CAPN14: variants seen among roughly 807,000 people sequenced by gnomAD.
CAPN14 encodes the protein calpain 14.
Under a neutral mutation model 101.3 loss-of-function variants are expected in CAPN14, and 94 were observed. The observed-to-expected ratio is 0.93, with a 90% CI of 0.79 to 1.10. The LOEUF is 1.10. CAPN14 is among the 50% of genes least tolerant of loss of function. The pLI, the probability that CAPN14 is intolerant of heterozygous loss-of-function variation, is 0.00. For missense variants in CAPN14, 837 were observed against 828.4 expected, an observed-to-expected ratio of 1.01 and a Z score of -0.13; for synonymous variants, 338 against 317.9, an observed-to-expected ratio of 1.06 and a Z score of -0.67.
chr2:31,215,285 G>A (rs1682591661), intron 1 of CAPN14, among the ~76,000 whole-genome samples: 1 of 147,640 alleles, frequency 6.8e-6, no homozygotes, highest in African/African-American at 2.5e-5. Context: ...TTTTTTTGCA[G>A]GGGCATTTGC....
intron 12 of CAPN14, 150 bp from the exon 13 acceptor site, chr2:31,189,628 G>A (rs1052987795): frequency 6.9e-6 from 5 of 724,204 alleles, no homozygotes; most frequent in Non-Finnish European, 1.2e-5. Context: ...CAAGTGGGGA[G>A]GAAAGGAAAA....
intron 10 of CAPN14, among the ~76,000 whole-genome samples, chr2:31,192,865 G>A (rs1378220773): frequency 6.6e-6 from 1 of 152,132 alleles, no homozygotes; most frequent in Non-Finnish European, 1.5e-5. Flanking sequence ...CCCCGGTGCT[G>A]ACTGCGACAG....
chr2:31,191,992 G>A lies in CAPN14; in HGVS notation c.1221C>T (p.Pro407=), dbSNP rs1351710131. 7 of 1,551,496 alleles carry A rather than the reference G, an allele frequency of 4.5e-6. No homozygotes were observed. The highest frequency in any genetic ancestry group is 6.1e-6 in the Non-Finnish European group (7 of 1,146,956). The change falls in exon 11 of 22, where the codon CCC becomes CCT. Residue 407 remains proline, a synonymous_variant. Coordinates refer to ENST00000403897, the MANE Select transcript of CAPN14 (RefSeq NM_001145122.2). The stretch of plus-strand genomic sequence containing the variant: ...GCTTCCGCTTGCGGCACCTGTGCCT[G>A]GGCTTCTGGAGCAGGGACACCAGCA... The part of the protein sequence containing the change: ...CSVLVSLLQK[P]RHRCRKRKPL...
intron 1 of CAPN14, among the ~76,000 whole-genome samples, chr2:31,231,414 T>C (rs1386073136): frequency 6.6e-6 from 1 of 152,256 alleles, no homozygotes; most frequent in Non-Finnish European, 1.5e-5. Context: ...CATCTTTCTA[T>C]AAAGTTTTAT....
At chr2:31,232,179 G>C (rs1683215876) in intron 1 of CAPN14, among the ~76,000 whole-genome samples, 1 of 152,170 alleles carries the variant, frequency 6.6e-6, no homozygotes, top group Non-Finnish European at 1.5e-5. Context: ...CATTATCTCT[G>C]TCTGCTAAAT....
At chr2:31,207,134 C>T (rs1362145233) in intron 1 of CAPN14, among the ~76,000 whole-genome samples, 2 of 152,194 alleles carry the variant, frequency 1.3e-5, no homozygotes, top group Non-Finnish European at 2.9e-5. Flanking sequence ...CTAAAAGTAA[C>T]TCGCAAATGT....
chr2:31,178,698 C>A, intron 17 of CAPN14, 119 bp from the exon 18 acceptor site: 1 of 646,178 alleles, frequency 1.5e-6, no homozygotes, highest in South Asian at 2.1e-5. Context: ...AATGTCTGAT[C>A]ATGTCTGATT....
rs1680987545 is a variant in CAPN14, at chr2:31,187,914, A to G, written c.1531-100T>C. On this transcript the variant is annotated intron_variant, in intron 14 of 21. Transcript: ENST00000403897. ...CATGGCTTCCAGGTTTCTGAAATCC[A>G]TGAGCTTGACTTTGCATCGTCTTTA... 7.4e-6 allele frequency: 7 copies of G among 950,184 alleles called. No homozygotes were observed. The East Asian group carries it at 1.3e-4, about 18-fold the overall frequency. The allele number at this position is 950,184 out of a possible 1,614,324, so 58.9% of individuals were successfully genotyped here.
intron 1 of CAPN14, among the ~76,000 whole-genome samples, chr2:31,213,668 G>A (rs992938978): frequency 4.6e-5 from 7 of 152,204 alleles, no homozygotes; most frequent in Admixed American, 3.9e-4. Flanking sequence ...TTGATTCGTT[G>A]ACTTTTTAAT....
At chr2:31,178,625 A>G (rs1457455746) in intron 17 of CAPN14, 46 bp from the exon 18 acceptor site, 1 of 1,316,496 alleles carries the variant, frequency 7.6e-7, no homozygotes, top group East Asian at 2.7e-5. Flanking sequence ...AGTTCTATCC[A>G]TGCTTTGGAG....
chr2:31,183,211 T>TC (rs1680738673), intron 16 of CAPN14, among the ~76,000 whole-genome samples: 1 of 152,046 alleles, frequency 6.6e-6, no homozygotes, highest in Non-Finnish European at 1.5e-5. Flanking sequence ...ACTTACATGT[T>TC]AGACCTAAAA....
intron 19 of CAPN14, 85 bp from the exon 20 acceptor site, chr2:31,177,227 C>A: frequency 1.2e-6 from 1 of 829,848 alleles, no homozygotes; most frequent in Non-Finnish European, 1.9e-6. Context: ...AAATGTCCCT[C>A]CAGTTTAGGG....
At chr2:31,226,046 C>T (rs1683011905) in intron 2 of CAPN14, among the ~76,000 whole-genome samples, 1 of 152,002 alleles carries the variant, frequency 6.6e-6, no homozygotes, top group Non-Finnish European at 1.5e-5. Flanking sequence ...AGGCAAATAA[C>T]TCATGGAAAC....
intron 16 of CAPN14, among the ~76,000 whole-genome samples, chr2:31,182,092 C>T (rs953269152): frequency 2.0e-5 from 3 of 152,114 alleles, no homozygotes; most frequent in East Asian, 1.9e-4. Flanking sequence ...CCCGAGGATT[C>T]GCCACACTGA....
At chr2:31,189,237 G>T in intron 13 of CAPN14, 36 bp downstream of exon 13, 3 of 1,537,954 alleles carry the variant, frequency 2.0e-6, no homozygotes, top group Non-Finnish European at 2.6e-6. Flanking sequence ...TCGTCCAAGT[G>T]GTCCCCACCC....
chr2:31,179,213 T>C (rs6543613), intron 17 of CAPN14, among the ~76,000 whole-genome samples: 57,248 of 151,100 alleles, frequency 0.38, 12,680 homozygotes, highest in African/African-American at 0.61. Flanking sequence ...TAATGTTATC[T>C]TTCCCCCTGC....
chr2:31,177,041 C>T lies in CAPN14; in HGVS notation c.1957G>A (p.Val653Ile). 1.9e-6 allele frequency: 3 copies of T among 1,551,246 alleles called. No homozygotes were observed. The South Asian group carries it at 3.6e-5, about 18-fold the overall frequency. ...GCCAGCTTACCCTCCATGTTCTCTACACGCAGCATCAAGTGGATGAAACTG... is the reference window on the plus strand; with the variant it reads ...GCCAGCTTACCCTCCATGTTCTCTATACGCAGCATCAAGTGGATGAAACTG... ...FVSFIHLMLRVENMEDVFQNL... is the reference protein window; with the variant it reads ...FVSFIHLMLRIENMEDVFQNL... Residue 653 changes from valine (V) to isoleucine (I), a missense_variant, in exon 20 of 22, where the codon GTA becomes ATA. By Grantham distance (29) the Val-to-Ile change is conservative. Coordinates refer to ENST00000403897, the MANE Select transcript of CAPN14 (RefSeq NM_001145122.2).
chr2:31,181,048 A>G (rs1680568244), intron 16 of CAPN14, 48 bp from the exon 17 acceptor site: 4 of 1,477,336 alleles, frequency 2.7e-6, no homozygotes, highest in Non-Finnish European at 3.7e-6. Context: ...CCAGGTCTGC[A>G]CACCCCTTTT....
Position 31,201,773 on chromosome 2 carries a change from A to G in CAPN14, c.551+89T>C, listed in dbSNP as rs1009075217. The stretch of plus-strand genomic sequence containing the variant: ...GACATGCCTCAGGATCTCATTTCAT[A>G]AACTTTACCTGACTCCACTCCCCTC... On this transcript the variant is annotated intron_variant, in intron 5 of 21. Coordinates refer to ENST00000403897, the MANE Select transcript of CAPN14 (RefSeq NM_001145122.2). The G allele has an allele frequency of 7.4e-6, 11 of 1,483,360 alleles. No homozygotes were observed. The African/African-American group carries it at 1.4e-4, about 19-fold the overall frequency. The allele number at this position is 1,483,360 out of a possible 1,614,324, so 91.9% of individuals were successfully genotyped here. A position where few individuals can be genotyped will look rare whatever the true frequency, so the allele number is the denominator to read the frequency against.
Sources: allele counts gnomAD v4.1 joint callset (sites outside exome capture counted in the v4.1 genomes callset), GRCh38; gene constraint gnomAD v4.1.1; transcripts MANE v1.5; gene names NCBI Gene and HGNC (gene_info 2026-07-23, HGNC 2026-07-21).